The following KNTC1 variants were observed in gnomAD, a reference collection of about 807,000 sequenced individuals.
The protein encoded by KNTC1 is kinetochore-associated protein 1.
Under a neutral mutation model 314.4 loss-of-function variants are expected in KNTC1, and 253 were observed. The observed-to-expected ratio is 0.80, with a 90% CI of 0.73 to 0.89. The LOEUF (loss-of-function observed/expected upper bound fraction) is 0.89. Among genes scored for constraint, KNTC1 ranks in the 40% least tolerant of loss-of-function variants. The probability of loss-of-function intolerance (pLI) is 0.00; values close to 1 mark genes in which losing one functional copy is unlikely to be tolerated. For missense variants in KNTC1, 2,475 were observed against 2,572.9 expected, an observed-to-expected ratio of 0.96 and a Z score of 0.82; for synonymous variants, 901 against 901.4, an observed-to-expected ratio of 1.00 and a Z score of 0.01.
In KNTC1 at chr12:122,601,576, A is replaced by G. The variant is rs1871906295; in HGVS notation, c.4604A>G (p.Lys1535Arg). The G allele has an allele frequency of 6.5e-7, 1 of 1,538,128 alleles. No homozygotes were observed. The highest frequency in any genetic ancestry group is 1.4e-5 in the African/African-American group (1 of 72,508). Residue 1535 changes from lysine to arginine, a missense_variant, in exon 45 of 64, where the codon AAA becomes AGA. Physicochemically the swap from Lys to Arg is conservative, Grantham distance 26. Coordinates refer to ENST00000333479, the MANE Select transcript of KNTC1 (RefSeq NM_014708.6). ...YDYEMIEVVLKVIERADEKIT... is the reference protein window; with the variant it reads ...YDYEMIEVVLRVIERADEKIT... ...TATGAAATGATTGAAGTTGTCTTGAAAGTTATAGAACGAGCTGATGAAAAG... is the reference window on the plus strand; with the variant it reads ...TATGAAATGATTGAAGTTGTCTTGAGAGTTATAGAACGAGCTGATGAAAAG...
intron 2 of KNTC1, among the ~76,000 whole-genome samples, chr12:122,531,776 C>T (rs141324268): frequency 1.3e-3 from 193 of 152,180 alleles, no homozygotes; most frequent in African/African-American, 4.5e-3. Flanking sequence ...CTCTGTCGCC[C>T]AGGCTGGAGT....
Position 122,613,704 on chromosome 12 carries a change from C to T in KNTC1, c.5820C>T (p.Ser1940=), listed in dbSNP as rs773840842. 1.1e-5 allele frequency: 17 copies of T among 1,613,076 alleles called. No homozygotes were observed. The highest frequency in any genetic ancestry group is 5.3e-5 in the African/African-American group (4 of 74,846). Residue 1940 remains serine, a synonymous_variant, in exon 55 of 64, where the codon AGC becomes AGT. Coordinates refer to ENST00000333479, the MANE Select transcript of KNTC1 (RefSeq NM_014708.6). ...CCATCACATATGAATTATTTTGCAGCAGTCCTAAAGAAGGAATGATTAAGG... is the reference window on the plus strand; with the variant it reads ...CCATCACATATGAATTATTTTGCAGTAGTCCTAAAGAAGGAATGATTAAGG... The part of the protein sequence containing the change: ...NIPITYELFC[S]SPKEGMIKGL...
intron 44 of KNTC1, among the ~76,000 whole-genome samples, chr12:122,600,879 T>C (rs1017219254): frequency 6.6e-6 from 1 of 152,064 alleles, no homozygotes; most frequent in Non-Finnish European, 1.5e-5. Flanking sequence ...TTGGCCAGGC[T>C]GGTCTTGAAC....
At chr12:122,569,929 AG>A in intron 22 of KNTC1, 105 bp downstream of exon 22, 1 of 941,578 alleles carries the variant, frequency 1.1e-6, no homozygotes, top group Non-Finnish European at 1.6e-6. Context: ...CAGTTAGTTA[AG>A]CTAACACCTG....
At position 122,585,064 on chromosome 12, in the gene KNTC1, G is replaced by A. The variant is rs571178555; in HGVS notation, c.3534+74G>A. On this transcript the variant is annotated intron_variant, in intron 36 of 63. Transcript: ENST00000333479. ...GCACCTTTTTTTTTTTTCGGACAGG[G>A]TTTTGTTCTGTCACCCAGGCTGGAG... 1.8e-5 allele frequency: 15 copies of A among 814,466 alleles called. No homozygotes were observed. The Admixed American group carries it at 2.0e-4, about 11-fold the overall frequency. The allele number at this position is 814,466 out of a possible 1,614,324, so 50.5% of individuals were successfully genotyped here. A position where few individuals can be genotyped will look rare whatever the true frequency, so the allele number is the denominator to read the frequency against.
rs774142753 is a variant in KNTC1, at chr12:122,557,471, C to G, written c.1360C>G (p.Leu454Val). Residue 454 changes from leucine to valine, a missense_variant, in exon 17 of 64, where the codon CTT becomes GTT. Transcript: ENST00000333479. Reference protein sequence around the residue: ...DASEQTEWQQLVDDAKENLHK... With the variant: ...DASEQTEWQQVVDDAKENLHK... ...CAGTGAACAGACCGAATGGCAACAA[C>G]TTGTAGACGACGCTAAGGAAAATCT... The G allele has an allele frequency of 3.1e-6, 5 of 1,613,794 alleles. No individual in the cohort carries two copies.
intron 16 of KNTC1, among the ~76,000 whole-genome samples, chr12:122,552,962 G>C (rs1025554983): frequency 6.6e-6 from 1 of 152,000 alleles, no homozygotes; most frequent in Non-Finnish European, 1.5e-5. Context: ...AGACCAGCCT[G>C]GGCAATATGG....
At chr12:122,601,425 G>A in intron 44 of KNTC1, 111 bp from the exon 45 acceptor site, 5 of 959,002 alleles carry the variant, frequency 5.2e-6, no homozygotes, top group Non-Finnish European at 7.4e-6. Flanking sequence ...ATTTAACAAT[G>A]TAGTGCAGTG....
chr12:122,600,325 C>T (rs1272211026), intron 44 of KNTC1, among the ~76,000 whole-genome samples: 2 of 152,130 alleles, frequency 1.3e-5, no homozygotes, highest in African/African-American at 4.8e-5. Context: ...TCTCAAATGC[C>T]TGACCTCAGG....
At chr12:122,537,047 A>T (rs1367854156) in intron 3 of KNTC1, among the ~76,000 whole-genome samples, 1 of 152,198 alleles carries the variant, frequency 6.6e-6, no homozygotes, top group Non-Finnish European at 1.5e-5. Context: ...ATTTGTGAAA[A>T]GACATTGTGG....
In KNTC1 at chr12:122,575,621, C is replaced by T. The variant is rs1342812312; in HGVS notation, c.2461C>T (p.Gln821Ter). ...WSAAVEQLVK[Q>*]HLEMDHPKVK... The stretch of plus-strand genomic sequence containing the variant: ...TGCAGCTGTGGAGCAACTGGTGAAA[C>T]AGCACCTGGAAATGGACCATCCCAA... The change falls in exon 28 of 64, where the codon CAG (glutamine) becomes TAG (stop). Residue 821 changes from glutamine to a stop codon, truncating the protein, a stop_gained. Transcript: ENST00000333479. LOFTEE classifies it high-confidence loss of function. The T allele has an allele frequency of 1.9e-6, 3 of 1,594,994 alleles. No individual in the cohort carries two copies. Among genetic ancestry groups the T allele is most frequent in the African/African-American group, 1.3e-5 (1 of 74,656 alleles).
intron 3 of KNTC1, among the ~76,000 whole-genome samples, chr12:122,537,466 T>A (rs1961933987): frequency 6.6e-6 from 1 of 151,848 alleles, no homozygotes; most frequent in Non-Finnish European, 1.5e-5. Context: ...TTGCCTAGGC[T>A]GGAGTGCAGT....
intron 44 of KNTC1, among the ~76,000 whole-genome samples, chr12:122,599,409 G>A (rs1344987057): frequency 6.6e-6 from 1 of 151,566 alleles, no homozygotes; most frequent in Non-Finnish European, 1.5e-5. Flanking sequence ...TGTCCAGGCT[G>A]GAGTCTAATG....
chr12:122,573,340 G>A (rs1964818296), intron 26 of KNTC1, 55 bp downstream of exon 26: 1 of 1,451,794 alleles, frequency 6.9e-7, no homozygotes, highest in African/African-American at 1.4e-5. Flanking sequence ...GTGTAGCACT[G>A]TAGTAAATAT....
In KNTC1 at chr12:122,620,592, G is replaced by T; in HGVS notation, c.6263G>T (p.Arg2088Ile). 1.2e-6 allele frequency: 2 copies of T among 1,613,572 alleles called. No individual in the cohort carries two copies. Among genetic ancestry groups the T allele is most frequent in the African/African-American group, 1.3e-5 (1 of 75,032 alleles). ...ATGCTCATGCCCCACTCAGAGAAAAGACACCAGCAAATTAAGGTATCGTGC... is the reference window on the plus strand; with the variant it reads ...ATGCTCATGCCCCACTCAGAGAAAATACACCAGCAAATTAAGGTATCGTGC... ...CLMLMPHSEKRHQQIKNFLGS... is the reference protein window; with the variant it reads ...CLMLMPHSEKIHQQIKNFLGS... Residue 2088 changes from arginine to isoleucine, a missense_variant, in exon 60 of 64, where the codon AGA (arginine) becomes ATA (isoleucine). Physicochemically the swap from Arg to Ile is moderately conservative, Grantham distance 97. Transcript: ENST00000333479.
At chr12:122,586,680 A>G in intron 37 of KNTC1, 21 bp from the exon 38 acceptor site, 1 of 1,348,086 alleles carries the variant, frequency 7.4e-7, no homozygotes, top group Non-Finnish European at 1.0e-6. Context: ...GTGTTGTTTA[A>G]TGTTTTATTA....
intron 5 of KNTC1, among the ~76,000 whole-genome samples, chr12:122,540,535 A>T (rs905809746): frequency 8.5e-5 from 13 of 152,234 alleles, no homozygotes; most frequent in African/African-American, 3.1e-4. Flanking sequence ...TTTGAAAAAA[A>T]TTTTTAAAGC....
chr12:122,580,559 G>C, intron 32 of KNTC1, 44 bp from the exon 33 acceptor site: 1 of 1,179,042 alleles, frequency 8.5e-7, no homozygotes. Context: ...CTGATAATAT[G>C]AGAATTTGCA....
At chr12:122,578,498 C>G (rs1475610536) in intron 31 of KNTC1, among the ~76,000 whole-genome samples, 1 of 152,114 alleles carries the variant, frequency 6.6e-6, no homozygotes, top group Non-Finnish European at 1.5e-5. Flanking sequence ...TCTTAACTCA[C>G]TGCAACCTCT....
Sources: allele counts gnomAD v4.1 joint callset (sites outside exome capture counted in the v4.1 genomes callset), GRCh38; gene constraint gnomAD v4.1.1; transcripts MANE v1.5; gene names NCBI Gene and HGNC (gene_info 2026-07-23, HGNC 2026-07-21).